Variants in FAAP24 observed in about 807,000 individuals in gnomAD.
The protein encoded by FAAP24 is FA core complex associated protein 24.
Under a neutral mutation model 14.3 loss-of-function variants are expected in FAAP24, and 16 were observed. The observed-to-expected ratio is 1.12, with a 90% confidence interval of 0.76 to 1.69. The LOEUF is 1.69. FAAP24 is among the 40% of genes most tolerant of loss of function. FAAP24 has a pLI of 0.00. For synonymous variants in FAAP24, 111 were observed against 106.2 expected, an observed-to-expected ratio of 1.04 and a Z score of -0.28; for missense variants, 234 against 262.7, an observed-to-expected ratio of 0.89 and a Z score of 0.75.
At position 32,976,602 on chromosome 19, in the gene FAAP24, G is replaced by A. The variant is rs1971521330; in HGVS notation, c.568G>A (p.Ala190Thr). 2.5e-6 allele frequency: 4 copies of A among 1,614,058 alleles called. No homozygotes were observed. Among genetic ancestry groups the A allele is most frequent in the Non-Finnish European group, 2.5e-6 (3 of 1,180,046 alleles). ...TCCAAGCATCCAGCAACTGAGTAAT[G>A]CTTCCATTGGGGAACTGGAGCAGGT... ...KFPSIQQLSN[A>T]SIGELEQVVG... Residue 190 changes from alanine to threonine, a missense_variant, in exon 5 of 5, where the codon GCT becomes ACT. Coordinates refer to ENST00000588258, the MANE Select transcript of FAAP24 (RefSeq NM_152266.5).
Position 32,973,305 on chromosome 19 carries a change from C to A in FAAP24, c.106+3C>A. 6.2e-7 allele frequency: 1 copy of A among 1,613,794 alleles called. No individual in the cohort carries two copies. Among genetic ancestry groups the A allele is most frequent in the South Asian group, 1.1e-5 (1 of 91,052 alleles). ...ACAGCTGGCGCAGGAGATGCAAGGT[C>A]GGTGGCCTGCCCTCTGCCAGCCCTT... is the stretch of plus-strand genomic sequence containing the variant. On this transcript the variant is annotated splice_donor_region_variant and intron_variant, in intron 2 of 4. Coordinates refer to ENST00000588258, the MANE Select transcript of FAAP24 (RefSeq NM_152266.5).
intron 4 of FAAP24, among the ~76,000 whole-genome samples, chr19:32,976,025 G>C (rs1051065253): frequency 6.6e-6 from 1 of 152,134 alleles, no homozygotes; most frequent in African/African-American, 2.4e-5. Context: ...ACTGTTGTCT[G>C]CCTTAGTATA....
rs774170569 is a variant in FAAP24, at chr19:32,973,505, C to A, written c.186C>A (p.Thr62=). 1 of 1,614,058 alleles carries A rather than the reference C, an allele frequency of 6.2e-7. No individual in the cohort carries two copies. Among genetic ancestry groups the A allele is most frequent in the African/African-American group, 1.3e-5 (1 of 74,902 alleles). The change falls in exon 3 of 5, where the codon ACC becomes ACA. Residue 62 remains threonine, a synonymous_variant. Coordinates refer to ENST00000588258, the MANE Select transcript of FAAP24 (RefSeq NM_152266.5). ...ACAGATGCTGCATTCTTTATGTCAC[C>A]GAAGCTGATTTGGTGGCAGGAAATG... ...LSNRCCILYV[T]EADLVAGNGY... is the part of the protein sequence containing the mutation.
rs921801463 is a variant in FAAP24, at chr19:32,977,202, T to C, written c.*520T>C. 9 of 400,196 alleles carry C rather than the reference T, an allele frequency of 2.2e-5. No homozygotes were observed. In the East Asian group the frequency reaches 3.2e-4, roughly 14 times the overall value. The allele number at this position is 400,196 out of a possible 1,614,324, so 24.8% of individuals were successfully genotyped here. A position where few individuals can be genotyped will look rare whatever the true frequency, so the allele number is the denominator to read the frequency against. ...GCCGCAGAGGGCACTGCCTTCATTC[T>C]GCTAAGACGAAAAGGGCTGGTGGGA... On this transcript the variant is annotated 3_prime_UTR_variant, in exon 5 of 5. Transcript: ENST00000588258.
intron 4 of FAAP24, 106 bp from the exon 5 acceptor site, chr19:32,976,325 T>G: frequency 7.1e-7 from 1 of 1,408,764 alleles, no homozygotes; most frequent in Non-Finnish European, 9.6e-7. Flanking sequence ...TTCCCTTAAG[T>G]CAAGCTGAGC....
intron 4 of FAAP24, 26 bp downstream of exon 4, chr19:32,974,238 T>C (rs1599798218): frequency 6.2e-7 from 1 of 1,602,632 alleles, no homozygotes; most frequent in Non-Finnish European, 8.5e-7. Flanking sequence ...TACACCTTCG[T>C]GGTAGTCCTG....
At chr19:32,973,108 G>T in intron 1 of FAAP24, 76 bp from the exon 2 acceptor site, 1 of 1,062,020 alleles carries the variant, frequency 9.4e-7, no homozygotes, top group South Asian at 1.4e-5. Context: ...TGCCCCAGAG[G>T]CCCTGGCTTG....
chr19:32,973,833 C>T (rs539060486), intron 3 of FAAP24, among the ~76,000 whole-genome samples: 4 of 151,554 alleles, frequency 2.6e-5, no homozygotes, highest in Non-Finnish European at 5.9e-5. Context: ...CCAGCCTGGG[C>T]GACAGAGTGA....
Position 32,973,137 on chromosome 19 carries a change from T to C in FAAP24, c.-13-47T>C, listed in dbSNP as rs1971461150. 2.0e-6 allele frequency: 3 copies of C among 1,474,620 alleles called. No individual in the cohort carries two copies. In the South Asian group the frequency reaches 3.4e-5, roughly 17 times the overall value. 91.3% of individuals were successfully genotyped at this position (1,474,620 alleles called of 1,614,324 possible). A position where few individuals can be genotyped will look rare whatever the true frequency, so the allele number is the denominator to read the frequency against. On this transcript the variant is annotated intron_variant, in intron 1 of 4. Coordinates refer to ENST00000588258, the MANE Select transcript of FAAP24 (RefSeq NM_152266.5). ...TGGCTTGGAGTGGAATGCAGGGCCG[T>C]GTGCAGGAGAGCCTGCTCAAGTGCC... is the stretch of plus-strand genomic sequence containing the variant.
Position 32,976,718 on chromosome 19 carries a change from A to G in FAAP24, c.*36A>G. ...CAGGGCCACGGCATCTTCTCCTGAG[A>G]CCACAAACACCAGGATCTTGTTTTC... is the stretch of plus-strand genomic sequence containing the variant. On this transcript the variant is annotated 3_prime_UTR_variant, in exon 5 of 5. Coordinates refer to ENST00000588258, the MANE Select transcript of FAAP24 (RefSeq NM_152266.5). 6.2e-7 allele frequency: 1 copy of G among 1,604,490 alleles called. No homozygotes were observed. The highest frequency in any genetic ancestry group is 8.5e-7 in the Non-Finnish European group (1 of 1,174,682).
In FAAP24 at chr19:32,974,204, A is replaced by G. The variant is rs772274761; in HGVS notation, c.388A>G (p.Ile130Val). The change falls in exon 4 of 5, where the codon ATC becomes GTC. Residue 130 changes from isoleucine (I) to valine (V), a missense_variant. Transcript: ENST00000588258. ...CCAGATGGAAGCATCCTGCCTCGTC[A>G]TCCAGTTGGTGAGTACCGATTCCTA... ...ASQMEASCLV[I>V]QLVQEQTKEP... 2.5e-6 allele frequency: 4 copies of G among 1,613,078 alleles called. No individual in the cohort carries two copies. The highest frequency in any genetic ancestry group is 2.5e-6 in the Non-Finnish European group (3 of 1,179,784).
rs1303759094 is a variant in FAAP24, at chr19:32,974,117, T to C, written c.301T>C (p.Phe101Leu). The C allele has an allele frequency of 6.2e-7, 1 of 1,614,162 alleles. No individual in the cohort carries two copies. The part of the protein sequence containing the change: ...VEKTRMSEQY[F>L]PALQKFTVLD... ...AAAAACCCGGATGAGTGAACAATAC[T>C]TCCCAGCCCTACAGAAGTTTACTGT... Residue 101 changes from phenylalanine (F) to leucine (L), a missense_variant, in exon 4 of 5, where the codon TTC (phenylalanine) becomes CTC (leucine). Coordinates refer to ENST00000588258, the MANE Select transcript of FAAP24 (RefSeq NM_152266.5).
At chr19:32,975,173 G>GTTT (rs142660177) in intron 4 of FAAP24, among the ~76,000 whole-genome samples, 1 of 135,756 alleles carries the variant, frequency 7.4e-6, no homozygotes, top group Non-Finnish European at 1.6e-5. Flanking sequence ...TGCCTGGGCA[G>GTTT]TTTTTTTTTT....
chr19:32,973,110 C>A, intron 1 of FAAP24, 74 bp from the exon 2 acceptor site: 2 of 1,122,008 alleles, frequency 1.8e-6, no homozygotes, highest in Admixed American at 2.1e-5. Context: ...CCCCAGAGGC[C>A]CTGGCTTGGA....
rs1256641050 is a variant in FAAP24, at chr19:32,974,076, GA to G, written c.262del (p.Ile88LeufsTer2). 1.2e-6 allele frequency: 2 copies of G among 1,613,880 alleles called. No homozygotes were observed. The highest frequency in any genetic ancestry group is 2.7e-5 in the African/African-American group (2 of 74,922). ...VRVRNSNNLK[G>X]IVVVEKTRMS... is the part of the protein sequence containing the mutation. ...CCTTTCAAGTCCAATAATCTTAAAG[GA>G]ATTGTAGTCGTTGAAAAAACCCGGA... On this transcript the variant is annotated frameshift_variant, in exon 4 of 5. Transcript: ENST00000588258. LOFTEE classifies it high-confidence loss of function.
chr19:32,973,983 A>G (rs1481762483), intron 3 of FAAP24, 77 bp from the exon 4 acceptor site: 7 of 1,416,690 alleles, frequency 4.9e-6, no homozygotes, highest in Admixed American at 1.8e-5. Context: ...TGGCCAGGTC[A>G]GGCACGAAGT....
intron 2 of FAAP24, 42 bp from the exon 3 acceptor site, chr19:32,973,384 A>G (rs759032259): frequency 1.2e-5 from 19 of 1,602,342 alleles, no homozygotes; most frequent in Non-Finnish European, 1.5e-5. Context: ...CCATCTTTTC[A>G]TCCAAAGCTT....
In FAAP24 at chr19:32,974,199, TCGTCATCCAG is replaced by T; in HGVS notation, c.384_393del (p.Val129TrpfsTer56). On this transcript the variant is annotated frameshift_variant, in exon 4 of 5. Transcript: ENST00000588258. LOFTEE classifies it low-confidence loss of function (END_TRUNC). ...GCCAGCCAGATGGAAGCATCCTGCC[TCGTCATCCAG>T]TTGGTGAGTACCGATTCCTACACCT... The T allele has an allele frequency of 6.2e-7, 1 of 1,613,178 alleles. No individual in the cohort carries two copies. Among genetic ancestry groups the T allele is most frequent in the Non-Finnish European group, 8.5e-7 (1 of 1,179,770 alleles).
At chr19:32,972,540 A>G (rs11084687) in intron 1 of FAAP24, among the ~76,000 whole-genome samples, 194 bp downstream of exon 1, 42,207 of 151,718 alleles carry the variant, frequency 0.28, 5,989 homozygotes, top group South Asian at 0.44. Flanking sequence ...GCCTTGCCCA[A>G]TGTTGGGATT....
Sources: allele counts gnomAD v4.1 joint callset (sites outside exome capture counted in the v4.1 genomes callset), GRCh38; gene constraint gnomAD v4.1.1; transcripts MANE v1.5; gene names NCBI Gene and HGNC (gene_info 2026-07-23, HGNC 2026-07-21).